Variants in PKP4 observed in about 807,000 individuals in gnomAD.
The protein encoded by PKP4 is plakophilin 4, also known as plakophilin-4.
A neutral mutation model predicts 145.1 loss-of-function variants in PKP4; 90 were observed. That is an observed-to-expected ratio of 0.62 (90% CI 0.52 to 0.74). The LOEUF (loss-of-function observed/expected upper bound fraction) is 0.74. PKP4 is among the 30% of genes least tolerant of loss of function. PKP4 has a pLI of 0.00. For missense variants in PKP4, 1,340 were observed against 1,482.7 expected, an observed-to-expected ratio of 0.90 and a Z score of 1.58; for synonymous variants, 563 against 577.2, an observed-to-expected ratio of 0.98 and a Z score of 0.35.
At chr2:158,560,255 G>A (rs2046405158) in intron 2 of PKP4, among the ~76,000 whole-genome samples, 2 of 152,136 alleles carry the variant, frequency 1.3e-5, no homozygotes, top group African/African-American at 2.4e-5. Context: ...CCTAATTTGT[G>A]TAAATTTCTT....
intron 6 of PKP4, among the ~76,000 whole-genome samples, chr2:158,622,161 G>A (rs898363165): frequency 6.6e-6 from 1 of 152,020 alleles, no homozygotes; most frequent in Non-Finnish European, 1.5e-5. Context: ...TCTAACCAAA[G>A]GTTATTACCA....
At chr2:158,562,449 A>G (rs2046614331) in intron 2 of PKP4, among the ~76,000 whole-genome samples, 1 of 152,222 alleles carries the variant, frequency 6.6e-6, no homozygotes, top group South Asian at 2.1e-4. Flanking sequence ...TCGAATTCAT[A>G]GAGACAGAAA....
At chr2:158,610,329 T>G (rs957355752) in intron 4 of PKP4, among the ~76,000 whole-genome samples, 18 of 152,314 alleles carry the variant, frequency 1.2e-4, no homozygotes, top group African/African-American at 3.4e-4. Flanking sequence ...ATACAATCTC[T>G]GTGTGCCATC....
chr2:158,510,623 A>G (rs949176516), intron 1 of PKP4, among the ~76,000 whole-genome samples: 4 of 152,196 alleles, frequency 2.6e-5, no homozygotes, highest in Non-Finnish European at 5.9e-5. Flanking sequence ...TTCAAGTGGT[A>G]GTGGAGTTGT....
intron 1 of PKP4, among the ~76,000 whole-genome samples, chr2:158,468,799 TCTCA>T (rs1399200829): frequency 9.3e-6 from 1 of 107,390 alleles, no homozygotes; most frequent in Admixed American, 1.3e-4. Context: ...TGAGACAGGG[TCTCA>T]CTCTGTCACC....
chr2:158,561,555 G>C (rs779754293), intron 2 of PKP4, among the ~76,000 whole-genome samples: 1 of 152,194 alleles, frequency 6.6e-6, no homozygotes, highest in Non-Finnish European at 1.5e-5. Flanking sequence ...ACAGGGATTT[G>C]TTTTGACCCT....
intron 11 of PKP4, among the ~76,000 whole-genome samples, chr2:158,655,467 C>T (rs559746460): frequency 6.6e-6 from 1 of 152,268 alleles, no homozygotes; most frequent in South Asian, 2.1e-4. Context: ...ACTCCAGGAT[C>T]CAATATGCTG....
chr2:158,643,880 C>G (rs1184953415), intron 11 of PKP4, among the ~76,000 whole-genome samples: 2 of 152,048 alleles, frequency 1.3e-5, no homozygotes, highest in Admixed American at 6.6e-5. Context: ...ATTCTCTCGC[C>G]TCAGCCTCCT....
chr2:158,512,941 C>CA (rs1392833694), intron 1 of PKP4, among the ~76,000 whole-genome samples: 2 of 152,206 alleles, frequency 1.3e-5, no homozygotes, highest in Non-Finnish European at 2.9e-5. Flanking sequence ...AACTTAGAAT[C>CA]TTGTCAAAGG....
chr2:158,558,718 A>T (rs2046290454), intron 2 of PKP4, among the ~76,000 whole-genome samples: 1 of 152,046 alleles, frequency 6.6e-6, no homozygotes. Context: ...AGGACTGGGG[A>T]ATTGGGGTGC....
intron 11 of PKP4, among the ~76,000 whole-genome samples, chr2:158,646,584 C>T (rs1395322116): frequency 6.6e-6 from 1 of 152,168 alleles, no homozygotes; most frequent in Non-Finnish European, 1.5e-5. Context: ...CCAATCTTAA[C>T]TGATGTTCAG....
intron 2 of PKP4, among the ~76,000 whole-genome samples, chr2:158,569,285 C>T (rs2047239329): frequency 1.3e-5 from 2 of 152,136 alleles, no homozygotes; most frequent in African/African-American, 4.8e-5. Context: ...TAGGATAAAA[C>T]AACAAAGATC....
chr2:158,592,252 A>C (rs978059002), intron 3 of PKP4, among the ~76,000 whole-genome samples: 1 of 152,162 alleles, frequency 6.6e-6, no homozygotes, highest in South Asian at 2.1e-4. Context: ...GATCCATGAG[A>C]GTTTTCAGAG....
chr2:158,662,967 G>A lies in PKP4; in HGVS notation c.2282G>A (p.Arg761Gln), dbSNP rs774001615. 5.0e-6 allele frequency: 8 copies of A among 1,613,492 alleles called. No individual in the cohort carries two copies. Among genetic ancestry groups the A allele is most frequent in the South Asian group, 4.4e-5 (4 of 91,034 alleles). ...CTGGAGCTGGAGGTGCCCCAGGCCC[G>A]GTTACTGGGACTGAACGAATTGGAT... ...YRLELEVPQA[R>Q]LLGLNELDDL... The change falls in exon 14 of 22, where the codon CGG becomes CAG. Residue 761 changes from arginine to glutamine, a missense_variant. Arg to Gln is a conservative substitution (Grantham distance 43). Transcript: ENST00000389759.
chr2:158,572,707 T>C (rs113708267), intron 2 of PKP4, among the ~76,000 whole-genome samples: 1 of 152,300 alleles, frequency 6.6e-6, no homozygotes, highest in East Asian at 1.9e-4. Flanking sequence ...TTACGATACC[T>C]ATGAGATTCA....
intron 11 of PKP4, among the ~76,000 whole-genome samples, chr2:158,645,866 G>A (rs1041932679): frequency 2.0e-5 from 3 of 151,924 alleles, no homozygotes; most frequent in African/African-American, 7.3e-5. Flanking sequence ...CTCTTTTTTT[G>A]TTTACATTTA....
At position 158,680,457 on chromosome 2, in the gene PKP4, A is replaced by G; in HGVS notation, c.3359A>G (p.Asp1120Gly). The G allele has an allele frequency of 6.2e-7, 1 of 1,612,172 alleles. No homozygotes were observed. The highest frequency in any genetic ancestry group is 8.5e-7 in the Non-Finnish European group (1 of 1,178,936). The change falls in exon 22 of 22, where the codon GAC becomes GGC. Residue 1120 changes from aspartate (D) to glycine (G), a missense_variant. By Grantham distance (94) the Asp-to-Gly change is moderately conservative. Coordinates refer to ENST00000389759, the MANE Select transcript of PKP4 (RefSeq NM_003628.6). ...QHQQLYYSQD[D>G]SNRKNFDAYR... is the part of the protein sequence containing the mutation. ...CAACAGCTGTATTATAGTCAAGATG[A>G]CTCCAACAGAAAGAACTTTGATGCA...
intron 11 of PKP4, among the ~76,000 whole-genome samples, chr2:158,647,668 T>C (rs1182308237): frequency 6.6e-6 from 1 of 152,246 alleles, no homozygotes; most frequent in East Asian, 1.9e-4. Context: ...ATTCTTGTGT[T>C]TTCCTCATTG....
chr2:158,458,627 C>T (rs547422047), intron 1 of PKP4, among the ~76,000 whole-genome samples: 32 of 152,262 alleles, frequency 2.1e-4, no homozygotes, highest in African/African-American at 7.7e-4. Flanking sequence ...TCAAAAAATG[C>T]CTGTTAGTGC....
Sources: gnomAD v4.1 joint callset for allele counts (sites outside exome capture counted in the v4.1 genomes callset) on GRCh38, gnomAD v4.1.1 for gene constraint, MANE v1.5 for transcripts, NCBI Gene and HGNC (gene_info 2026-07-23, HGNC 2026-07-21) for gene names.